The following TET1 variants were observed in gnomAD, a reference collection of about 807,000 sequenced individuals.
The protein encoded by TET1 is methylcytosine dioxygenase TET1.
A neutral mutation model predicts 148.7 loss-of-function variants in TET1; 13 were observed. That is an observed-to-expected ratio of 0.09 (90% CI 0.06 to 0.14). TET1 has a LOEUF of 0.14. TET1 is among the 10% of genes least tolerant of loss of function. The probability of loss-of-function intolerance (pLI) is 1.00; values close to 1 mark genes in which losing one functional copy is unlikely to be tolerated. For missense variants in TET1, 2,182 were observed against 2,553.8 expected, an observed-to-expected ratio of 0.85 and a Z score of 3.14; for synonymous variants, 907 against 937.2, an observed-to-expected ratio of 0.97 and a Z score of 0.59.
chr10:68,614,729 G>A (rs890410574), intron 3 of TET1, among the ~76,000 whole-genome samples: 38 of 152,154 alleles, frequency 2.5e-4, no homozygotes, highest in African/African-American at 8.9e-4. Context: ...GAGTAGCTGG[G>A]ATTACAGGTG....
chr10:68,681,742 G>A (rs1049840747), intron 9 of TET1, among the ~76,000 whole-genome samples: 1 of 152,048 alleles, frequency 6.6e-6, no homozygotes, highest in Non-Finnish European at 1.5e-5. Context: ...CAAGGCAGTC[G>A]GATCACCTGA....
intron 2 of TET1, among the ~76,000 whole-genome samples, chr10:68,588,155 C>T (rs1188754741): frequency 6.6e-6 from 1 of 152,126 alleles, no homozygotes; most frequent in Non-Finnish European, 1.5e-5. Context: ...GGCCACCTTG[C>T]CTGGCTTTTA....
chr10:68,588,542 G>C (rs2053884565), intron 2 of TET1, among the ~76,000 whole-genome samples: 1 of 152,162 alleles, frequency 6.6e-6, no homozygotes, highest in Non-Finnish European at 1.5e-5. Flanking sequence ...AGGCCCAAAA[G>C]ATGGAGAGTA....
rs796345454 is a variant in TET1 at position 68,592,182 on chromosome 10, GGC to G, written c.1915-8797_1915-8796del. Among the ~76,000 whole-genome samples the G allele has an allele frequency of 1.6e-4, 25 of 152,122 alleles. 3 individuals are homozygous for G. The highest frequency in any genetic ancestry group is 6.0e-4 in the African/African-American group (25 of 41,514). On this transcript the variant is annotated intron_variant, in intron 2 of 11. Coordinates refer to ENST00000373644, the MANE Select transcript of TET1 (RefSeq NM_030625.3). ...TTTACAAAAATTAGCTGGGCATGGT[GGC>G]GGGCGCCTGTAATCCCAGCTACTCG...
At chr10:68,575,512 C>T (rs2053718089) in intron 2 of TET1, among the ~76,000 whole-genome samples, 1 of 151,236 alleles carries the variant, frequency 6.6e-6, no homozygotes, top group Non-Finnish European at 1.5e-5. Context: ...GAGTTCGAGA[C>T]CAACATGGGG....
intron 2 of TET1, among the ~76,000 whole-genome samples, chr10:68,588,606 G>A (rs936400466): frequency 6.6e-6 from 1 of 152,136 alleles, no homozygotes; most frequent in Admixed American, 6.5e-5. Flanking sequence ...GGTTATTGCT[G>A]TCATCTTTTA....
In TET1 at chr10:68,572,346, G is replaced by C. The variant is rs763123299; in HGVS notation, c.8G>C (p.Arg3Pro). Residue 3 changes from arginine to proline, a missense_variant, in exon 2 of 12, where the codon CGA (arginine) becomes CCA (proline). By Grantham distance (103) the Arg-to-Pro change is moderately radical (BLOSUM62 -2). This residue lies in a region of TET1 where 665 missense variants were observed against 672.4 expected (regional missense o/e 0.99). Coordinates refer to ENST00000373644, the MANE Select transcript of TET1 (RefSeq NM_030625.3). MS[R>P]SRHARPSRLV... The stretch of plus-strand genomic sequence containing the variant: ...TTTTCCTACTCTGTAGCTATGTCTC[G>C]ATCCCGCCATGCAAGGCCTTCCAGA... The C allele has an allele frequency of 1.3e-6, 2 of 1,598,074 alleles. No individual in the cohort carries two copies. Among genetic ancestry groups the C allele is most frequent in the East Asian group, 2.2e-5 (1 of 44,792 alleles).
Position 68,573,032 on chromosome 10 carries a change from A to T in TET1, c.694A>T (p.Thr232Ser). ...TGGTGAAGGACTATTCTCTGAAGAG[A>T]CATTGAATGATACCAGTGGTTCCCC... ...RCGEGLFSEE[T>S]LNDTSGSPKM... The change falls in exon 2 of 12, where the codon ACA becomes TCA. Residue 232 changes from threonine to serine, a missense_variant. Thr to Ser is a moderately conservative substitution (Grantham distance 58, BLOSUM62 1). Transcript: ENST00000373644. 6.2e-7 allele frequency: 1 copy of T among 1,614,166 alleles called. No individual in the cohort carries two copies. Among genetic ancestry groups the T allele is most frequent in the Non-Finnish European group, 8.5e-7 (1 of 1,180,038 alleles).
At chr10:68,688,632 G>C (rs1357552728) in intron 11 of TET1, among the ~76,000 whole-genome samples, 1 of 151,750 alleles carries the variant, frequency 6.6e-6, no homozygotes. Context: ...TAGAGATGGG[G>C]TTTCACCGTG....
At chr10:68,617,703 C>T (rs531054515) in intron 3 of TET1, among the ~76,000 whole-genome samples, 1 of 152,112 alleles carries the variant, frequency 6.6e-6, no homozygotes, top group African/African-American at 2.4e-5. Context: ...TGCGCCACCA[C>T]GTCTGGCTAA....
chr10:68,570,949 T>G (rs901503317), intron 1 of TET1, among the ~76,000 whole-genome samples: 1 of 151,546 alleles, frequency 6.6e-6, no homozygotes, highest in Non-Finnish European at 1.5e-5. Context: ...TTTTTAAATT[T>G]TTGTCATTTT....
At chr10:68,589,649 G>T (rs2053896889) in intron 2 of TET1, among the ~76,000 whole-genome samples, 1 of 145,358 alleles carries the variant, frequency 6.9e-6, no homozygotes, top group African/African-American at 2.5e-5. Context: ...ACTGTGCTCG[G>T]TTAATATCTC....
At chr10:68,647,621 AGAAATAACT>A in intron 4 of TET1, among the ~76,000 whole-genome samples, 1 of 152,152 alleles carries the variant, frequency 6.6e-6, no homozygotes, top group Non-Finnish European at 1.5e-5. Context: ...AAAGAAAGAA[AGAAATAACT>A]TAATAGTTTA....
chr10:68,686,670 A>C lies in TET1; in HGVS notation c.5367A>C (p.Thr1789=), dbSNP rs1254116339. 1 of 1,614,088 alleles carries C rather than the reference A, an allele frequency of 6.2e-7. No homozygotes were observed. The highest frequency in any genetic ancestry group is 1.1e-5 in the South Asian group (1 of 91,070). The change falls in exon 11 of 12, where the codon ACA becomes ACC. Residue 1789 remains threonine (T), a synonymous_variant. Transcript: ENST00000373644. ...PRIKRKNNST[T]TNNSKPSSLP... The stretch of plus-strand genomic sequence containing the variant: ...TCAAGCGGAAGAATAACTCAACAAC[A>C]ACAAACAACAGTAAGCCTTCGTCAC...
chr10:68,576,664 A>AAAAT (rs1034536417), intron 2 of TET1, among the ~76,000 whole-genome samples: 5 of 152,190 alleles, frequency 3.3e-5, no homozygotes, highest in Non-Finnish European at 2.9e-5. Flanking sequence ...CCCTGTCTCA[A>AAAAT]AAATAAATAA....
At chr10:68,604,880 T>C (rs949715938) in intron 3 of TET1, among the ~76,000 whole-genome samples, 3 of 152,232 alleles carry the variant, frequency 2.0e-5, no homozygotes, top group Non-Finnish European at 4.4e-5. Context: ...TCTGTAAATC[T>C]AAAATTATTT....
intron 8 of TET1, among the ~76,000 whole-genome samples, chr10:68,676,165 G>GTC (rs1327746640): frequency 7.3e-6 from 1 of 136,916 alleles, no homozygotes; most frequent in Non-Finnish European, 1.5e-5. Flanking sequence ...TTTTGTGTGT[G>GTC]TGTGTGTGTG....
At chr10:68,568,868 A>AAAAGAG (rs1485764463) in intron 1 of TET1, among the ~76,000 whole-genome samples, 1 of 152,112 alleles carries the variant, frequency 6.6e-6, no homozygotes, top group African/African-American at 2.4e-5. Context: ...AAGAAAAAGA[A>AAAAGAG]AAAGACCTGT....
chr10:68,629,762 T>G (rs1439700591), intron 3 of TET1, among the ~76,000 whole-genome samples: 1 of 152,100 alleles, frequency 6.6e-6, no homozygotes, highest in East Asian at 1.9e-4. Context: ...GGTCTCGATC[T>G]CCTGATCTTG....
Sources: gnomAD v4.1 joint callset for allele counts (sites outside exome capture counted in the v4.1 genomes callset) on GRCh38, gnomAD v4.1.1 for gene constraint, gnomAD v4.1.1 regional missense constraint, MANE v1.5 for transcripts, NCBI Gene and HGNC (gene_info 2026-07-23, HGNC 2026-07-21) for gene names.